Variants in ENTREP1 observed in about 807,000 individuals in gnomAD.
The protein encoded by ENTREP1 is Friedreich ataxia region gene X123.
At chr9:69,383,175 C>G in the ENTREP1 span, 2 of 932,058 alleles carry the variant, frequency 2.1e-6, no homozygotes, top group African/African-American at 1.8e-5. Flanking sequence ...AGAGGTGAAA[C>G]TCATATAAAA....
chr9:69,371,400 G>A, the ENTREP1 span: 361,677 of 889,762 alleles, frequency 0.41, 75,446 homozygotes, highest in Admixed American at 0.49. Flanking sequence ...TTAAAAAAAT[G>A]TTCTCTTGGA....
chr9:69,343,980 T>C, the ENTREP1 span, among the ~76,000 whole-genome samples: 1 of 152,244 alleles, frequency 6.6e-6, no homozygotes, highest in African/African-American at 2.4e-5. Context: ...TAGACTATTT[T>C]GTGATTTAAA....
the ENTREP1 span, among the ~76,000 whole-genome samples, chr9:69,339,009 C>T: frequency 6.6e-6 from 1 of 152,046 alleles, no homozygotes; most frequent in Non-Finnish European, 1.5e-5. Context: ...GAGAAATCCG[C>T]AGTTCATATG....
chr9:69,391,979 G>C, the ENTREP1 span: 1 of 636,240 alleles, frequency 1.6e-6, no homozygotes. Flanking sequence ...TGCACAGGTC[G>C]GTCCAGGCCC....
chr9:69,388,254 C>T, the ENTREP1 span: 32 of 1,614,030 alleles, frequency 2.0e-5, 1 homozygote, highest in East Asian at 4.5e-5. Flanking sequence ...TCTAGAGCTT[C>T]GCGATGCAGA....
the ENTREP1 span, among the ~76,000 whole-genome samples, chr9:69,328,676 G>A: frequency 6.6e-6 from 1 of 152,022 alleles, no homozygotes; most frequent in African/African-American, 2.4e-5. Context: ...AAAAAAGTTG[G>A]AAGATTATGA....
the ENTREP1 span, chr9:69,387,337 C>CTAAATTCAAATTTAGA: frequency 6.6e-6 from 1 of 152,514 alleles, no homozygotes; most frequent in South Asian, 2.1e-4. Flanking sequence ...CTTTGAATTT[C>CTAAATTCAAATTTAGA]TAAATTGCTG....
chr9:69,350,889 T>C, the ENTREP1 span, among the ~76,000 whole-genome samples: 1 of 152,212 alleles, frequency 6.6e-6, no homozygotes, highest in African/African-American at 2.4e-5. Context: ...GCTTTTAAGA[T>C]CTTTTCTTTT....
chr9:69,340,666 C>CATGTGTGTATGCAT, the ENTREP1 span, among the ~76,000 whole-genome samples: 1 of 108,650 alleles, frequency 9.2e-6, no homozygotes, highest in Non-Finnish European at 1.8e-5. Context: ...TGTGTGTGTG[C>CATGTGTGTATGCAT]GTGTGTGTGT....
chr9:69,325,137 G>C, the ENTREP1 span: 6 of 1,038,858 alleles, frequency 5.8e-6, no homozygotes, highest in Non-Finnish European at 6.9e-6. Context: ...CTGGAGCCAG[G>C]GCAGCGGCAG....
chr9:69,354,879 A>G, the ENTREP1 span, among the ~76,000 whole-genome samples: 1 of 152,230 alleles, frequency 6.6e-6, no homozygotes, highest in Non-Finnish European at 1.5e-5. Context: ...AATTACAATC[A>G]GGAGTCTTTA....
At chr9:69,383,904 G>A in the ENTREP1 span, 2 of 1,584,852 alleles carry the variant, frequency 1.3e-6, no homozygotes, top group Non-Finnish European at 8.7e-7. Context: ...TGAGGGGTGA[G>A]TTAAACATCA....
chr9:69,325,234 C>T, the ENTREP1 span: 5 of 1,067,792 alleles, frequency 4.7e-6, no homozygotes, highest in Non-Finnish European at 5.7e-6. Flanking sequence ...TGTGCTGCGC[C>T]TTCGGCTCGG....
chr9:69,324,658 G>T, the ENTREP1 span: 1 of 985,212 alleles, frequency 1.0e-6, no homozygotes, highest in East Asian at 1.1e-4. Context: ...CCTGTGAGCG[G>T]TAACTGCGCT....
At chr9:69,374,753 A>G in the ENTREP1 span, among the ~76,000 whole-genome samples, 1 of 152,222 alleles carries the variant, frequency 6.6e-6, no homozygotes, top group African/African-American at 2.4e-5. Context: ...CAGTAGCACC[A>G]AGAATGCAGG....
the ENTREP1 span, among the ~76,000 whole-genome samples, chr9:69,352,259 T>G: frequency 6.6e-6 from 1 of 152,034 alleles, no homozygotes; most frequent in Non-Finnish European, 1.5e-5. Flanking sequence ...GCTGGGATTA[T>G]AGGCTTGGGC....
At chr9:69,329,657 A>G in the ENTREP1 span, 1 of 985,390 alleles carries the variant, frequency 1.0e-6, no homozygotes, top group South Asian at 4.7e-5. Context: ...CGTGAAGCTA[A>G]GAGATGAGCC....
At chr9:69,375,929 T>TA in the ENTREP1 span, 1 of 1,533,128 alleles carries the variant, frequency 6.5e-7, no homozygotes, top group South Asian at 1.3e-5. Context: ...AAGGCAAACT[T>TA]ACTTGAAATA....
At chr9:69,356,996 G>A in the ENTREP1 span, among the ~76,000 whole-genome samples, 23 of 150,932 alleles carry the variant, frequency 1.5e-4, no homozygotes, top group South Asian at 3.3e-3. Flanking sequence ...GGTGGCTCAC[G>A]CCAGCAACCC....
Sources: gnomAD v4.1 joint callset for allele counts (sites outside exome capture counted in the v4.1 genomes callset) on GRCh38, gnomAD v4.1.1 for gene constraint, MANE v1.5 for transcripts, NCBI Gene and HGNC (gene_info 2026-07-23, HGNC 2026-07-21) for gene names.